The following TNFRSF19 variants were observed in gnomAD, a reference collection of about 807,000 sequenced individuals.
TNFRSF19 encodes the protein TNF receptor superfamily member 19.
TNFRSF19 carries 27 observed loss-of-function variants against 46.4 expected under a neutral mutation model. The ratio of observed to expected loss-of-function variants is 0.58; its 90% CI spans 0.43 to 0.80. The LOEUF (loss-of-function observed/expected upper bound fraction) is 0.80, where lower values mean the gene tolerates loss of function less well. TNFRSF19 is among the 30% of genes least tolerant of loss of function. The pLI is 0.00. For synonymous variants in TNFRSF19, 204 were observed against 205.0 expected (o/e 1.00, Z 0.04); for missense variants, 511 against 530.8 (o/e 0.96, Z 0.37).
At chr13:23,646,261 CTTTT>C (rs1883325981) in intron 5 of TNFRSF19, among the ~76,000 whole-genome samples, 1 of 152,162 alleles carries the variant, frequency 6.6e-6, no homozygotes, top group African/African-American at 2.4e-5. Context: ...TATTAGCTTT[CTTTT>C]TAATTGTGGG....
At chr13:23,571,350 A>G (rs188658660) in intron 1 of TNFRSF19, among the ~76,000 whole-genome samples, 169 of 152,324 alleles carry the variant, frequency 1.1e-3, no homozygotes, top group Middle Eastern at 0.01. Flanking sequence ...TATCAAATAC[A>G]CTTCCTTATG....
chr13:23,600,263 C>T (rs112976311), intron 3 of TNFRSF19, among the ~76,000 whole-genome samples: 1,539 of 152,222 alleles, frequency 0.01, 30 homozygotes, highest in African/African-American at 0.036. Context: ...CTGAAAAGTC[C>T]GCAGCTCTTA....
At chr13:23,613,792 T>A (rs1881064018) in intron 3 of TNFRSF19, among the ~76,000 whole-genome samples, 1 of 152,004 alleles carries the variant, frequency 6.6e-6, no homozygotes, top group African/African-American at 2.4e-5. Flanking sequence ...TGCACACAGC[T>A]CTCCCAGCAA....
At chr13:23,625,810 C>A (rs991549900) in intron 4 of TNFRSF19, among the ~76,000 whole-genome samples, 18 of 152,142 alleles carry the variant, frequency 1.2e-4, no homozygotes, top group African/African-American at 4.3e-4. Flanking sequence ...ACCTATTGGC[C>A]TACACTCACA....
chr13:23,612,372 A>T (rs978589479), intron 3 of TNFRSF19, among the ~76,000 whole-genome samples: 2 of 152,240 alleles, frequency 1.3e-5, no homozygotes, highest in Non-Finnish European at 2.9e-5. Context: ...GGGGTAATTT[A>T]GTATTTATAT....
intron 9 of TNFRSF19, 94 bp from the exon 10 acceptor site, chr13:23,673,278 A>G (rs1951785062): frequency 7.1e-7 from 1 of 1,405,212 alleles, no homozygotes; most frequent in Non-Finnish European, 9.6e-7. Flanking sequence ...TACTACTAGT[A>G]AAAGTTATGC....
intron 1 of TNFRSF19, among the ~76,000 whole-genome samples, chr13:23,584,245 G>C (rs925458458): frequency 6.6e-6 from 1 of 151,558 alleles, no homozygotes; most frequent in African/African-American, 2.4e-5. Context: ...TTTCCCCCAA[G>C]TCCCCAAAGT....
chr13:23,595,417 G>A (rs1055990830), intron 3 of TNFRSF19, among the ~76,000 whole-genome samples: 1 of 152,156 alleles, frequency 6.6e-6, no homozygotes, highest in Non-Finnish European at 1.5e-5. Context: ...GAACATAAAT[G>A]ACCTGATGGA....
At chr13:23,590,825 G>A (rs2138181164) in intron 2 of TNFRSF19, among the ~76,000 whole-genome samples, 1 of 152,324 alleles carries the variant, frequency 6.6e-6, no homozygotes, top group Middle Eastern at 3.4e-3. Context: ...GCACTATGAT[G>A]ATGATATTAT....
chr13:23,630,492 A>G (rs1178603322), intron 5 of TNFRSF19, among the ~76,000 whole-genome samples: 3 of 152,044 alleles, frequency 2.0e-5, no homozygotes, highest in African/African-American at 7.3e-5. Context: ...TTGTGATGAT[A>G]ATCCTCCCAT....
chr13:23,660,189 C>T (rs1282298943), intron 6 of TNFRSF19, among the ~76,000 whole-genome samples, 176 bp from the exon 7 acceptor site: 1 of 152,188 alleles, frequency 6.6e-6, no homozygotes, highest in Non-Finnish European at 1.5e-5. Flanking sequence ...ACATTAGTAC[C>T]CTACATTTTG....
chr13:23,581,678 T>C (rs1299103832), intron 1 of TNFRSF19, among the ~76,000 whole-genome samples: 1 of 152,192 alleles, frequency 6.6e-6, no homozygotes, highest in Non-Finnish European at 1.5e-5. Flanking sequence ...TTAGGGCATA[T>C]TGGGGACTTT....
chr13:23,636,437 G>A (rs1049051474), intron 5 of TNFRSF19, among the ~76,000 whole-genome samples: 9 of 152,218 alleles, frequency 5.9e-5, no homozygotes, highest in African/African-American at 1.9e-4. Flanking sequence ...TCTCTCCCAG[G>A]TTGTGAATGA....
At position 23,674,597 on chromosome 13, in the gene TNFRSF19, A is replaced by G. The variant is rs969806759; in HGVS notation, c.*1217A>G. 1 of 152,248 alleles carries G rather than the reference A, an allele frequency of 6.6e-6. No homozygotes were observed. Among genetic ancestry groups the G allele is most frequent in the Admixed American group, 6.5e-5 (1 of 15,284 alleles). The allele number at this position is 152,248 out of a possible 1,614,324, so 9.4% of individuals were successfully genotyped here. A position where few individuals can be genotyped will look rare whatever the true frequency, so the allele number is the denominator to read the frequency against. On this transcript the variant is annotated 3_prime_UTR_variant, in exon 10 of 10. Coordinates refer to ENST00000248484, the MANE Select transcript of TNFRSF19 (RefSeq NM_148957.4). Reference sequence around the variant, plus strand: ...CATTAGCATTGTCTCTAGAGCTAAGACAGAAATTAACCCCGTTCAGTCACA... The same window carrying G: ...CATTAGCATTGTCTCTAGAGCTAAGGCAGAAATTAACCCCGTTCAGTCACA...
At chr13:23,654,779 A>C (rs931548019) in intron 5 of TNFRSF19, among the ~76,000 whole-genome samples, 1 of 152,200 alleles carries the variant, frequency 6.6e-6, no homozygotes, top group African/African-American at 2.4e-5. Context: ...AACCTTGAGC[A>C]TGTGACTCAA....
At position 23,668,038 on chromosome 13, in the gene TNFRSF19, G is replaced by A. The variant is rs1019528577; in HGVS notation, c.795G>A (p.Ala265=). 9.3e-6 allele frequency: 15 copies of A among 1,610,120 alleles called. No homozygotes were observed. The highest frequency in any genetic ancestry group is 5.0e-5 in the Admixed American group (3 of 59,574). ...CCEEACSPNP[A]TLGCGVHSAA... ...AGGAGGCCTGCAGCCCCAACCCGGC[G>A]ACTCTTGGTTGTGGGGTGCATTCTG... The change falls in exon 8 of 10, where the codon GCG becomes GCA. Residue 265 remains alanine (A), a synonymous_variant. Transcript: ENST00000248484.
chr13:23,666,668 T>G (rs1201682493), intron 7 of TNFRSF19, among the ~76,000 whole-genome samples: 1 of 152,250 alleles, frequency 6.6e-6, no homozygotes, highest in Non-Finnish European at 1.5e-5. Context: ...GGAATGGCAG[T>G]GCCTTTTGCT....
At chr13:23,594,947 C>A (rs1593240723) in intron 3 of TNFRSF19, among the ~76,000 whole-genome samples, 1 of 152,312 alleles carries the variant, frequency 6.6e-6, no homozygotes, top group African/African-American at 2.4e-5. Context: ...GTTCTGCAGC[C>A]TCTGCCAATG....
chr13:23,576,110 T>C (rs1311044514), intron 1 of TNFRSF19, among the ~76,000 whole-genome samples: 2 of 152,090 alleles, frequency 1.3e-5, no homozygotes, highest in Non-Finnish European at 2.9e-5. Flanking sequence ...AGTTTCATTT[T>C]GCATGAGCCT....
Sources: gnomAD v4.1 joint callset for allele counts (sites outside exome capture counted in the v4.1 genomes callset) on GRCh38, gnomAD v4.1.1 for gene constraint, MANE v1.5 for transcripts, NCBI Gene and HGNC (gene_info 2026-07-23, HGNC 2026-07-21) for gene names.